CILK1: variants seen among roughly 807,000 people sequenced by gnomAD.
CILK1 encodes the protein ciliogenesis associated kinase 1, also known as serine/threonine-protein kinase ICK.
A neutral mutation model predicts 79.2 loss-of-function variants in CILK1; 47 were observed. That is an observed-to-expected ratio of 0.59 (90% CI 0.47 to 0.76). The LOEUF is 0.76. Ranked by LOEUF, CILK1 falls within the 30% of genes least tolerant of loss-of-function variation. CILK1 has a pLI of 0.00. For missense variants in CILK1, 660 were observed against 769.5 expected (o/e 0.86, Z 1.68); for synonymous variants, 266 against 275.9 (o/e 0.96, Z 0.36).
chr6:53,041,190 C>T lies in CILK1; in HGVS notation c.47G>A (p.Gly16Asp), dbSNP rs757131392. The change falls in exon 2 of 14, where the codon GGT becomes GAT. Residue 16 changes from glycine to aspartate, a missense_variant. Gly to Asp is a moderately conservative substitution (Grantham distance 94). Transcript: ENST00000676107. ...AATGCTTCTTCCCAGCAGGACGGAACCGTAGGTTCCATCCCCGAGCTGCCT... is the reference window on the plus strand; with the variant it reads ...AATGCTTCTTCCCAGCAGGACGGAATCGTAGGTTCCATCCCCGAGCTGCCT... The part of the protein sequence containing the change: ...TIRQLGDGTY[G>D]SVLLGRSIES... 1 of 1,614,052 alleles carries T rather than the reference C, an allele frequency of 6.2e-7. No homozygotes were observed. The highest frequency in any genetic ancestry group is 1.7e-5 in the Admixed American group (1 of 60,028).
At chr6:53,009,608 T>C (rs1446898808) in intron 11 of CILK1, 41 bp from the exon 12 acceptor site, 2 of 1,506,932 alleles carry the variant, frequency 1.3e-6, no homozygotes, top group South Asian at 2.3e-5. Flanking sequence ...AAATACACAA[T>C]GAATCTTACA....
chr6:53,059,519 G>A (rs899155226), intron 1 of CILK1, among the ~76,000 whole-genome samples: 1 of 152,228 alleles, frequency 6.6e-6, no homozygotes. Flanking sequence ...TCTGAGGACA[G>A]GTAGGAGTCG....
At chr6:53,020,077 T>C (rs946214911) in intron 5 of CILK1, among the ~76,000 whole-genome samples, 12 of 152,186 alleles carry the variant, frequency 7.9e-5, no homozygotes, top group African/African-American at 2.9e-4. Flanking sequence ...ATATCTGAGA[T>C]TGTGGTGTAT....
chr6:53,007,806 G>A (rs931195326), intron 12 of CILK1, among the ~76,000 whole-genome samples: 2 of 151,694 alleles, frequency 1.3e-5, no homozygotes, highest in Non-Finnish European at 2.9e-5. Context: ...TGGGTGTGGT[G>A]GCACATGCCT....
intron 5 of CILK1, among the ~76,000 whole-genome samples, chr6:53,025,795 A>G (rs571149936): frequency 6.6e-6 from 1 of 152,338 alleles, no homozygotes; most frequent in South Asian, 2.1e-4. Flanking sequence ...TCTGTAGACT[A>G]TCTAGCCCTC....
intron 8 of CILK1, among the ~76,000 whole-genome samples, chr6:53,014,366 G>C (rs1764770968): frequency 6.6e-6 from 1 of 152,078 alleles, no homozygotes; most frequent in South Asian, 2.1e-4. Context: ...AAAACTGAAA[G>C]AGCCAAACAT....
intron 3 of CILK1, among the ~76,000 whole-genome samples, chr6:53,037,139 G>A (rs1766393104): frequency 6.6e-6 from 1 of 152,156 alleles, no homozygotes; most frequent in Non-Finnish European, 1.5e-5. Flanking sequence ...AGGGCTGGGT[G>A]AGAGGACTAA....
At chr6:53,039,801 A>G (rs1766586561) in intron 2 of CILK1, among the ~76,000 whole-genome samples, 1 of 152,214 alleles carries the variant, frequency 6.6e-6, no homozygotes, top group Non-Finnish European at 1.5e-5. Context: ...AATAGGGGGA[A>G]AAAAGCCAGG....
chr6:53,035,180 C>G (rs1431756082), intron 3 of CILK1, among the ~76,000 whole-genome samples: 1 of 151,972 alleles, frequency 6.6e-6, no homozygotes, highest in African/African-American at 2.4e-5. Flanking sequence ...TGTGGGAAAG[C>G]TGCACTGAAG....
intron 12 of CILK1, among the ~76,000 whole-genome samples, chr6:53,006,765 T>C (rs1198496452): frequency 2.6e-5 from 4 of 152,232 alleles, no homozygotes; most frequent in African/African-American, 9.7e-5. Context: ...TAAAATTTGC[T>C]TTTTTCACTC....
In CILK1 at chr6:53,012,089, T is replaced by C. The variant is rs1764606793; in HGVS notation, c.1291A>G (p.Ser431Gly). 6.2e-7 allele frequency: 1 copy of C among 1,614,096 alleles called. No homozygotes were observed. Among genetic ancestry groups the C allele is most frequent in the Non-Finnish European group, 8.5e-7 (1 of 1,180,030 alleles). Residue 431 changes from serine to glycine, a missense_variant, in exon 10 of 14, where the codon AGC becomes GGC. Physicochemically the swap from Ser to Gly is moderately conservative, Grantham distance 56. Transcript: ENST00000676107. The stretch of plus-strand genomic sequence containing the variant: ...TTCTTGTTTTTCAGGTCAATCCTGC[T>C]GAGGGATGGACTGAAATCCAAGTCA... Reference protein sequence around the residue: ...LDDLDFSPSLSRIDLKNKKRQ... With the variant: ...LDDLDFSPSLGRIDLKNKKRQ...
intron 9 of CILK1, 22 bp from the exon 10 acceptor site, chr6:53,012,249 G>T (rs1764618883): frequency 6.2e-7 from 1 of 1,612,098 alleles, no homozygotes; most frequent in African/African-American, 1.3e-5. Flanking sequence ...AACGGGGTGG[G>T]GGAAAGCAAT....
intron 3 of CILK1, among the ~76,000 whole-genome samples, chr6:53,036,040 G>A (rs530888746): frequency 2.0e-4 from 30 of 152,132 alleles, no homozygotes; most frequent in Non-Finnish European, 3.7e-4. Context: ...GTTGTCTGGT[G>A]GTCATCAGCT....
chr6:53,045,791 T>TAAAAAA (rs34673433), intron 1 of CILK1, among the ~76,000 whole-genome samples: 1 of 113,334 alleles, frequency 8.8e-6, no homozygotes, highest in Non-Finnish European at 1.7e-5. Context: ...GTCATCTTCC[T>TAAAAAA]AAAAAAAAAA....
chr6:53,019,807 A>G (rs753105234), intron 5 of CILK1, among the ~76,000 whole-genome samples: 7 of 150,140 alleles, frequency 4.7e-5, no homozygotes, highest in Non-Finnish European at 1.0e-4. Context: ...ACTGGCACAA[A>G]CCATGGTGCC....
rs1764135133 is a variant in CILK1 at position 53,005,011 on chromosome 6, T to A, written c.*138A>T. ...AAAACTTTAAAAAAGAATATTGACA[T>A]GTCTTAGTTCAGAAGAATAACTATA... On this transcript the variant is annotated 3_prime_UTR_variant, in exon 14 of 14. Coordinates refer to ENST00000676107, the MANE Select transcript of CILK1 (RefSeq NM_014920.5). 5.4e-6 allele frequency: 5 copies of A among 926,198 alleles called. No individual in the cohort carries two copies. The highest frequency in any genetic ancestry group is 8.4e-6 in the Non-Finnish European group (5 of 598,286). The allele number at this position is 926,198 out of a possible 1,614,324, so 57.4% of individuals were successfully genotyped here. A position where few individuals can be genotyped will look rare whatever the true frequency, so the allele number is the denominator to read the frequency against.
At position 53,001,779 on chromosome 6, in the gene CILK1, T is replaced by C. The variant is rs1763958094; in HGVS notation, c.*3370A>G. On this transcript the variant is annotated 3_prime_UTR_variant, in exon 14 of 14. Coordinates refer to ENST00000676107, the MANE Select transcript of CILK1 (RefSeq NM_014920.5). ...TGTTGCTACAGTATGGTTTAAATGA[T>C]ATAAAATAATTAGTATGTCAAACAT... 1.3e-5 allele frequency: 2 copies of C among 152,676 alleles called. No individual in the cohort carries two copies. The highest frequency in any genetic ancestry group is 2.1e-4 in the South Asian group (1 of 4,834). 9.5% of individuals were successfully genotyped at this position (152,676 alleles called of 1,614,324 possible).
chr6:53,032,551 T>C lies in CILK1; in HGVS notation c.260A>G (p.Tyr87Cys). 6.2e-7 allele frequency: 1 copy of C among 1,608,322 alleles called. No individual in the cohort carries two copies. The highest frequency in any genetic ancestry group is 8.5e-7 in the Non-Finnish European group (1 of 1,176,016). The change falls in exon 4 of 14, where the codon TAC becomes TGC. Residue 87 changes from tyrosine (Y) to cysteine (C), a missense_variant. Tyr to Cys is a radical substitution (Grantham distance 194, BLOSUM62 -2). Transcript: ENST00000676107. Reference protein sequence around the residue: ...FIFEYMKENLYQLIKERNKLF... With the variant: ...FIFEYMKENLCQLIKERNKLF... ...ACTGTACCTCTCTTTAATGAGCTGGTAAAGATTTTCCTTCATGTACTCGAA... is the reference window on the plus strand; with the variant it reads ...ACTGTACCTCTCTTTAATGAGCTGGCAAAGATTTTCCTTCATGTACTCGAA...
chr6:53,028,273 G>A (rs955957302), intron 5 of CILK1, among the ~76,000 whole-genome samples: 40 of 152,320 alleles, frequency 2.6e-4, no homozygotes, highest in Non-Finnish European at 4.0e-4. Context: ...CCGAGACTGC[G>A]TGACTGCACT....
Sources: gnomAD v4.1 joint callset for allele counts (sites outside exome capture counted in the v4.1 genomes callset) on GRCh38, gnomAD v4.1.1 for gene constraint, MANE v1.5 for transcripts, NCBI Gene and HGNC (gene_info 2026-07-23, HGNC 2026-07-21) for gene names.